The following FRMD3 variants were observed in gnomAD, a reference collection of about 807,000 sequenced individuals.
FRMD3 encodes FERM domain containing 3.
Under a neutral mutation model 70.2 loss-of-function variants are expected in FRMD3, and 33 were observed. The observed-to-expected ratio is 0.47, with a 90% CI of 0.36 to 0.63. FRMD3 has a LOEUF of 0.63. Ranked by LOEUF, FRMD3 falls within the 20% of genes least tolerant of loss-of-function variation. The pLI, the probability that FRMD3 is intolerant of heterozygous loss-of-function variation, is 0.00. For missense variants in FRMD3, 632 were observed against 711.4 expected, an observed-to-expected ratio of 0.89 and a Z score of 1.27; for synonymous variants, 279 against 255.9, an observed-to-expected ratio of 1.09 and a Z score of -0.86.
intron 1 of FRMD3, among the ~76,000 whole-genome samples, chr9:83,533,814 T>C (rs78846905): frequency 0.023 from 3,437 of 152,340 alleles, 128 homozygotes; most frequent in African/African-American, 0.077. Context: ...CAAAGCACTA[T>C]GCTAAGATTT....
downstream of FRMD3, among the ~76,000 whole-genome samples, chr9:83,243,730 C>T (rs1186086951): frequency 6.6e-6 from 1 of 151,956 alleles, no homozygotes; most frequent in Admixed American, 6.5e-5. Flanking sequence ...CATGAGGCCA[C>T]CATAGCTAAG....
chr9:83,417,029 C>T lies in FRMD3; in HGVS notation c.148-27321G>A, dbSNP rs149024765. 2.6e-3 allele frequency among the ~76,000 whole-genome samples: 394 copies of T among 152,270 alleles called. 3 individuals are homozygous for T. Among genetic ancestry groups the T allele is most frequent in the African/African-American group, 9.0e-3 (375 of 41,566 alleles). On this transcript the variant is annotated intron_variant, in intron 1 of 13. Coordinates refer to ENST00000304195, the MANE Select transcript of FRMD3 (RefSeq NM_174938.6). ...ACCCAGGCCTCTCCAATGTTCACCACGCAAGCAAAAATATCAAGAGTCCTG... is the reference window on the plus strand; with the variant it reads ...ACCCAGGCCTCTCCAATGTTCACCATGCAAGCAAAAATATCAAGAGTCCTG...
chr9:83,362,277 C>T (rs1824616364), intron 3 of FRMD3, among the ~76,000 whole-genome samples: 1 of 152,002 alleles, frequency 6.6e-6, no homozygotes, highest in African/African-American at 2.4e-5. Flanking sequence ...GTTAGATTAG[C>T]CCCAAGGGGG....
chr9:83,314,301 G>T (rs1463781476), intron 6 of FRMD3, among the ~76,000 whole-genome samples: 3 of 152,134 alleles, frequency 2.0e-5, no homozygotes, highest in African/African-American at 7.2e-5. Context: ...TGGCCTCAGG[G>T]AGAAAAGGGC....
At chr9:83,548,557 A>G in the FRMD3 span, among the ~76,000 whole-genome samples, 5 of 152,174 alleles carry the variant, frequency 3.3e-5, no homozygotes, top group Non-Finnish European at 5.9e-5. Context: ...AAGATTAGTA[A>G]TTACCATGAG....
intron 13 of FRMD3, among the ~76,000 whole-genome samples, chr9:83,287,919 C>T (rs976033821): frequency 2.0e-5 from 3 of 152,238 alleles, no homozygotes; most frequent in African/African-American, 7.2e-5. Context: ...ATGTCTTCAT[C>T]TTTATAGTCC....
intron 4 of FRMD3, among the ~76,000 whole-genome samples, chr9:83,344,298 C>T (rs1203642270): frequency 9.2e-5 from 14 of 152,186 alleles, no homozygotes; most frequent in African/African-American, 2.9e-4. Context: ...TTCTCCTTCT[C>T]AACTTCTTGG....
At chr9:83,558,257 T>A in the FRMD3 span, among the ~76,000 whole-genome samples, 2 of 116,560 alleles carry the variant, frequency 1.7e-5, no homozygotes, top group African/African-American at 3.1e-5. Flanking sequence ...GTAAAACGCA[T>A]GCACGTGTGT....
chr9:83,451,112 ATTTTTCATAAAGAG>A (rs1204183649), intron 1 of FRMD3, among the ~76,000 whole-genome samples: 1 of 152,124 alleles, frequency 6.6e-6, no homozygotes, highest in African/African-American at 2.4e-5. Flanking sequence ...AGTCAGTGGA[ATTTTTCATAAAGAG>A]TTTTTCATAA....
chr9:83,244,919 A>C lies in FRMD3; in HGVS notation c.*2999T>G, dbSNP rs962244241. On this transcript the variant is annotated 3_prime_UTR_variant, in exon 14 of 14. Transcript: ENST00000304195. ...TTTACCTACATTGTTTTCATGATCC[A>C]ACTTGCATTAGCACTAAAGGCAATA... The C allele has an allele frequency of 1.0e-6, 1 of 985,258 alleles. No homozygotes were observed. Among genetic ancestry groups the C allele is most frequent in the Non-Finnish European group, 1.2e-6 (1 of 829,752 alleles). The allele number at this position is 985,258 out of a possible 1,614,324, so 61.0% of individuals were successfully genotyped here.
chr9:83,548,549 G>T, the FRMD3 span, among the ~76,000 whole-genome samples: 5 of 152,110 alleles, frequency 3.3e-5, no homozygotes, highest in African/African-American at 4.8e-5. Context: ...GCAGTAAAAA[G>T]ATTAGTAATT....
rs1259342129 is a variant in FRMD3, at chr9:83,248,289, A to T, written c.1423T>A (p.Leu475Met). 1.9e-6 allele frequency: 3 copies of T among 1,614,092 alleles called. No homozygotes were observed. Among genetic ancestry groups the T allele is most frequent in the Non-Finnish European group, 2.5e-6 (3 of 1,180,020 alleles). The part of the protein sequence containing the change: ...MLFDCPSRLE[L>M]EREDTDSFED... ...AATGAATCTGTGTCTTCTCTTTCCA[A>T]CTCAAGCCTAGAAGGACAGTCAAAG... Residue 475 changes from leucine (L) to methionine (M), a missense_variant, in exon 14 of 14, where the codon TTG becomes ATG. Coordinates refer to ENST00000304195, the MANE Select transcript of FRMD3 (RefSeq NM_174938.6).
chr9:83,554,272 G>A, the FRMD3 span, among the ~76,000 whole-genome samples: 1 of 152,200 alleles, frequency 6.6e-6, no homozygotes, highest in African/African-American at 2.4e-5. Flanking sequence ...TGCTCTGAAA[G>A]TGTGGGTTCC....
At chr9:83,323,268 C>G (rs3903844) in intron 6 of FRMD3, among the ~76,000 whole-genome samples, 2 of 151,998 alleles carry the variant, frequency 1.3e-5, no homozygotes, top group Non-Finnish European at 1.5e-5. Flanking sequence ...AACTAGAAAA[C>G]AACTCAAATG....
intron 6 of FRMD3, among the ~76,000 whole-genome samples, chr9:83,320,423 G>C (rs1835754097): frequency 6.6e-6 from 1 of 152,088 alleles, no homozygotes; most frequent in South Asian, 2.1e-4. Context: ...TGTGGTTTTT[G>C]TCCTTAATTC....
chr9:83,361,745 C>T (rs1824591737), intron 3 of FRMD3, among the ~76,000 whole-genome samples: 1 of 152,078 alleles, frequency 6.6e-6, no homozygotes, highest in Non-Finnish European at 1.5e-5. Flanking sequence ...AATCCATTGA[C>T]TGATATCTTT....
chr9:83,568,605 T>C, the FRMD3 span, among the ~76,000 whole-genome samples: 1 of 151,900 alleles, frequency 6.6e-6, no homozygotes, highest in Admixed American at 6.6e-5. Flanking sequence ...CTCAAAGAAT[T>C]AGAGAGTAGA....
chr9:83,419,663 AGTGT>A (rs200496991), intron 1 of FRMD3, among the ~76,000 whole-genome samples: 1,645 of 150,006 alleles, frequency 0.011, 39 homozygotes, highest in African/African-American at 0.039. Context: ...ATGTGTATTG[AGTGT>A]GTGTGTGTTT....
Position 83,359,333 on chromosome 9 carries a change from A to G in FRMD3, c.296-9576T>C, listed in dbSNP as rs545159097. On this transcript the variant is annotated intron_variant, in intron 3 of 13. Transcript: ENST00000304195. Reference sequence around the variant, plus strand: ...ATTCTCTTCCTGCCTATGCCTGCTCAGGAGAAGCTTGAAAAGAGACTTTGG... The same window carrying G: ...ATTCTCTTCCTGCCTATGCCTGCTCGGGAGAAGCTTGAAAAGAGACTTTGG... 6.6e-5 allele frequency among the ~76,000 whole-genome samples: 10 copies of G among 152,326 alleles called. No individual in the cohort carries two copies. In the South Asian group the frequency reaches 1.2e-3, roughly 19 times the overall value.
Sources: allele counts gnomAD v4.1 joint callset (sites outside exome capture counted in the v4.1 genomes callset), GRCh38; gene constraint gnomAD v4.1.1; transcripts MANE v1.5; gene names NCBI Gene and HGNC (gene_info 2026-07-23, HGNC 2026-07-21).